Variants in PNISR observed in about 807,000 individuals in gnomAD.
The protein encoded by PNISR is PNN interacting serine and arginine rich protein.
Under a neutral mutation model 93.4 loss-of-function variants are expected in PNISR, and 20 were observed. That is an observed-to-expected ratio of 0.21 (90% CI 0.15 to 0.31). The LOEUF is 0.31. PNISR is among the 10% of genes least tolerant of loss of function. The pLI, the probability that PNISR is intolerant of heterozygous loss-of-function variation, is 1.00. For synonymous variants in PNISR, 305 were observed against 306.5 expected, an observed-to-expected ratio of 0.99 and a Z score of 0.05; for missense variants, 893 against 985.4, an observed-to-expected ratio of 0.91 and a Z score of 1.25.
Position 99,400,250 on chromosome 6 carries a change from G to T in PNISR, c.*290C>A. On this transcript the variant is annotated 3_prime_UTR_variant, in exon 12 of 12. Coordinates refer to ENST00000369239, the MANE Select transcript of PNISR (RefSeq NM_032870.4). ...TTAAAACTCATGGAATTTTTTTAAA[G>T]AACATCATGGCATTCTTGCCACATC... 1.3e-6 allele frequency: 1 copy of T among 767,114 alleles called. No homozygotes were observed. Among genetic ancestry groups the T allele is most frequent in the Non-Finnish European group, 1.6e-6 (1 of 622,962 alleles). 47.5% of individuals were successfully genotyped at this position (767,114 alleles called of 1,614,324 possible).
chr6:99,410,146 A>G (rs79629641), intron 5 of PNISR: 1,964 of 152,406 alleles, frequency 0.013, 21 homozygotes, highest in Non-Finnish European at 0.019. Context: ...ACCTAGCACT[A>G]TAATTTAAGG....
In PNISR at chr6:99,401,466, C is replaced by CT; in HGVS notation, c.1491dup (p.Glu498ArgfsTer3). 1 of 1,611,062 alleles carries CT rather than the reference C, an allele frequency of 6.2e-7. No homozygotes were observed. Among genetic ancestry groups the CT allele is most frequent in the Non-Finnish European group, 8.5e-7 (1 of 1,179,186 alleles). ...CCTTGTTTTTCTTTTTCTTTATGCTCTTTTTTTGGTTCTAAAACTGATGTG... is the reference window on the plus strand; with the variant it reads ...CCTTGTTTTTCTTTTTCTTTATGCTCTTTTTTTTGGTTCTAAAACTGATGTG... On this transcript the variant is annotated frameshift_variant, in exon 12 of 12. Coordinates refer to ENST00000369239, the MANE Select transcript of PNISR (RefSeq NM_032870.4). LOFTEE classifies it high-confidence loss of function.
intron 10 of PNISR, chr6:99,403,596 A>G (rs1775789089): frequency 1.2e-5 from 4 of 324,168 alleles, no homozygotes; most frequent in African/African-American, 6.4e-5. Flanking sequence ...AAATCTTCCA[A>G]TATAACCTGC....
rs1776105038 is a variant in PNISR at position 99,405,890 on chromosome 6, GT to G, written c.1002+140del. ...CCTATTAATAAAGGTTTCTATAATT[GT>G]TTTAAGTTAAAAGGAGTATCTCTTC... On this transcript the variant is annotated intron_variant, in intron 8 of 11. Coordinates refer to ENST00000369239, the MANE Select transcript of PNISR (RefSeq NM_032870.4). 33 of 529,730 alleles carry G rather than the reference GT, an allele frequency of 6.2e-5. No individual in the cohort carries two copies. In the South Asian group the frequency reaches 9.1e-4, roughly 15 times the overall value. 32.8% of individuals were successfully genotyped at this position (529,730 alleles called of 1,614,324 possible).
chr6:99,400,491 A>G lies in PNISR; in HGVS notation c.*49T>C. ...AAAGGACACTTTCAACTTTGAATAA[A>G]TTCAGTCAATTTTTTTTAAAAATCA... On this transcript the variant is annotated 3_prime_UTR_variant, in exon 12 of 12. Transcript: ENST00000369239. 1 of 1,567,148 alleles carries G rather than the reference A, an allele frequency of 6.4e-7. No homozygotes were observed. Among genetic ancestry groups the G allele is most frequent in the South Asian group, 1.2e-5 (1 of 83,222 alleles).
Position 99,401,142 on chromosome 6 carries a change from T to C in PNISR, c.1816A>G (p.Arg606Gly), listed in dbSNP as rs1266395879. ...RSNRNSIERE[R>G]RRNRSPSRER... is the part of the protein sequence containing the mutation. ...CGGGAAGGACTCCGATTTCGTCGTC[T>C]TTCTCTTTCAATGCTATTTCTATTA... The change falls in exon 12 of 12, where the codon AGA (arginine) becomes GGA (glycine). Residue 606 changes from arginine to glycine, a missense_variant. Arg to Gly is a moderately radical substitution (Grantham distance 125, BLOSUM62 -2). Around this residue, in one of 3 missense-constraint regions of PNISR, gnomAD observed 866 missense variants for 935.1 expected, o/e 0.93. Coordinates refer to ENST00000369239, the MANE Select transcript of PNISR (RefSeq NM_032870.4). 3.1e-6 allele frequency: 5 copies of C among 1,614,064 alleles called. No individual in the cohort carries two copies. The South Asian group carries it at 5.5e-5, about 18-fold the overall frequency.
chr6:99,410,639 T>C, intron 5 of PNISR, 102 bp downstream of exon 5: 2 of 755,098 alleles, frequency 2.6e-6, no homozygotes, highest in South Asian at 1.8e-5. Flanking sequence ...TTTATACAAG[T>C]CTGAAAAGTG....
At chr6:99,412,140 A>G (rs1263019052) in intron 4 of PNISR, 1 of 403,838 alleles carries the variant, frequency 2.5e-6, no homozygotes, top group Non-Finnish European at 4.9e-6. Flanking sequence ...GGGGCAGAGT[A>G]TATTTGACAG....
intron 1 of PNISR, among the ~76,000 whole-genome samples, chr6:99,423,601 A>T (rs756570816): frequency 3.9e-5 from 6 of 152,198 alleles, no homozygotes; most frequent in Admixed American, 6.5e-5. Flanking sequence ...TGAAAAGGGC[A>T]TCTTACCTCT....
intron 1 of PNISR, among the ~76,000 whole-genome samples, chr6:99,417,968 CAAAAAA>C (rs34504221): frequency 1.1e-5 from 1 of 92,246 alleles, no homozygotes; most frequent in Admixed American, 1.2e-4. Context: ...AACACCATCT[CAAAAAA>C]AAAAAAAAAA....
At chr6:99,413,229 G>A (rs899404873) in intron 3 of PNISR, among the ~76,000 whole-genome samples, 1 of 151,976 alleles carries the variant, frequency 6.6e-6, no homozygotes, top group African/African-American at 2.4e-5. Context: ...TTTTCCTTAT[G>A]GTTGCCCTTC....
In PNISR at chr6:99,412,625, G is replaced by C; in HGVS notation, c.203C>G (p.Ser68Cys). ...PGMMPNGQDM[S>C]TMESGPNNHG... is the part of the protein sequence containing the mutation. ...ATTGTTTGGACCAGATTCCATTGTA[G>C]ACATATCTTGTCCATTTGGCATCAT... The change falls in exon 4 of 12, where the codon TCT becomes TGT. Residue 68 changes from serine to cysteine, a missense_variant. Ser to Cys is a moderately radical substitution (Grantham distance 112, BLOSUM62 -1). Around this residue, in one of 3 missense-constraint regions of PNISR, gnomAD observed 866 missense variants for 935.1 expected, o/e 0.93. Coordinates refer to ENST00000369239, the MANE Select transcript of PNISR (RefSeq NM_032870.4). 1.2e-6 allele frequency: 2 copies of C among 1,612,056 alleles called. No individual in the cohort carries two copies. Among genetic ancestry groups the C allele is most frequent in the Non-Finnish European group, 1.7e-6 (2 of 1,178,728 alleles).
In PNISR at chr6:99,401,250, G is replaced by C; in HGVS notation, c.1708C>G (p.Arg570Gly). 6.2e-7 allele frequency: 1 copy of C among 1,612,796 alleles called. No homozygotes were observed. Among genetic ancestry groups the C allele is most frequent in the Non-Finnish European group, 8.5e-7 (1 of 1,179,524 alleles). The stretch of plus-strand genomic sequence containing the variant: ...CGAGAATAGCTTCTACTCCTGCTAC[G>C]TCTAGCTTTGATTGTTGGAGATCTA... Reference protein sequence around the residue: ...RSRSPTIKARRSRSRSYSRRI... With the variant: ...RSRSPTIKARGSRSRSYSRRI... Residue 570 changes from arginine to glycine, a missense_variant, in exon 12 of 12, where the codon CGT becomes GGT. Around this residue, in one of 3 missense-constraint regions of PNISR, gnomAD observed 866 missense variants for 935.1 expected, o/e 0.93. Transcript: ENST00000369239.
chr6:99,405,132 T>A (rs1398111863), intron 8 of PNISR, among the ~76,000 whole-genome samples: 3 of 152,102 alleles, frequency 2.0e-5, no homozygotes, highest in Non-Finnish European at 4.4e-5. Flanking sequence ...TTTCAAGGAA[T>A]AAAGTATCTT....
chr6:99,425,004 T>G, intron 1 of PNISR: 1 of 380,094 alleles, frequency 2.6e-6, no homozygotes, highest in Non-Finnish European at 4.6e-6. Context: ...CCGTGAGCAC[T>G]CTCTTTAACA....
At chr6:99,414,927 A>T (rs1777474359) in intron 2 of PNISR, 1 of 238,572 alleles carries the variant, frequency 4.2e-6, no homozygotes, top group African/African-American at 2.2e-5. Flanking sequence ...CTCAAAAAAG[A>T]CTTTAAAAAA....
intron 6 of PNISR, 134 bp downstream of exon 6, chr6:99,409,039 T>C (rs1776504746): frequency 2.9e-6 from 2 of 684,916 alleles, no homozygotes; most frequent in Non-Finnish European, 5.0e-6. Context: ...TTAAGCTTTA[T>C]GACCATAAAA....
chr6:99,416,751 A>G (rs867973249), intron 1 of PNISR, among the ~76,000 whole-genome samples: 11 of 152,216 alleles, frequency 7.2e-5, no homozygotes, highest in Admixed American at 2.6e-4. Flanking sequence ...GATCTCATCC[A>G]CCTATTATTA....
chr6:99,407,631 C>G (rs1424152929), intron 7 of PNISR, among the ~76,000 whole-genome samples: 1 of 152,176 alleles, frequency 6.6e-6, no homozygotes, highest in Non-Finnish European at 1.5e-5. Flanking sequence ...CTAAACCACT[C>G]AAGCCATCTA....
Sources: gnomAD v4.1 joint callset for allele counts (sites outside exome capture counted in the v4.1 genomes callset) on GRCh38, gnomAD v4.1.1 for gene constraint, gnomAD v4.1.1 regional missense constraint, MANE v1.5 for transcripts, NCBI Gene and HGNC (gene_info 2026-07-23, HGNC 2026-07-21) for gene names.